IBTK: variants seen among roughly 807,000 people sequenced by gnomAD.
The protein encoded by IBTK is BTK-binding protein.
IBTK carries 83 observed loss-of-function variants against 154.9 expected under a neutral mutation model. The ratio of observed to expected loss-of-function variants is 0.54; its 90% CI spans 0.45 to 0.64. The LOEUF is 0.64. IBTK is among the 30% of genes least tolerant of loss of function. IBTK has a pLI of 0.00. For missense variants in IBTK, 1,332 were observed against 1,584.6 expected (o/e 0.84, Z 2.71); for synonymous variants, 515 against 536.1 (o/e 0.96, Z 0.54).
chr6:82,171,428 G>A lies in IBTK; in HGVS notation c.4059C>T (p.Cys1353=). ...LAVPMWNKHG[C] ...TGCATCTCAACTCCACAGTGAACTA[G>A]CATCCATGCTTATTCCACATAGGTA... Residue 1353 remains cysteine (C), a synonymous_variant, in exon 29 of 29, where the codon TGC becomes TGT. Coordinates refer to ENST00000306270, the MANE Select transcript of IBTK (RefSeq NM_015525.4). 1 of 1,611,090 alleles carries A rather than the reference G, an allele frequency of 6.2e-7. No individual in the cohort carries two copies. Among genetic ancestry groups the A allele is most frequent in the Non-Finnish European group, 8.5e-7 (1 of 1,178,954 alleles).
chr6:82,198,299 C>T (rs376049327), intron 21 of IBTK, among the ~76,000 whole-genome samples: 1 of 152,194 alleles, frequency 6.6e-6, no homozygotes, highest in South Asian at 2.1e-4. Flanking sequence ...TCCACCCCTG[C>T]CTCCTTCTAA....
At chr6:82,209,090 G>T (rs930265047) in intron 16 of IBTK, among the ~76,000 whole-genome samples, 1 of 152,176 alleles carries the variant, frequency 6.6e-6, no homozygotes, top group Admixed American at 6.6e-5. Context: ...ATTAGTAAGT[G>T]CTTGCAAGGA....
rs754851337 is a variant in IBTK, at chr6:82,240,432, A to G, written c.55T>C (p.Leu19=). Residue 19 remains leucine (L), a synonymous_variant, in exon 2 of 29, where the codon TTG becomes CTG. Coordinates refer to ENST00000306270, the MANE Select transcript of IBTK (RefSeq NM_015525.4). ...TTTGTTACCACAGAAAGGACATCCA[A>G]AGCATGCTTCAGGGATCGACACTTT... ...TSKCRSLKHA[L]DVLSVVTKGS... is the part of the protein sequence containing the mutation. 2 of 1,614,130 alleles carry G rather than the reference A, an allele frequency of 1.2e-6. No homozygotes were observed. Among genetic ancestry groups the G allele is most frequent in the Non-Finnish European group, 1.7e-6 (2 of 1,180,014 alleles).
intron 1 of IBTK, among the ~76,000 whole-genome samples, chr6:82,243,238 CAAA>C (rs200210329): frequency 9.9e-5 from 6 of 60,784 alleles, no homozygotes; most frequent in Non-Finnish European, 1.7e-4. Context: ...GACTCTGTCT[CAAA>C]AAAAAAAAAA....
Position 82,227,300 on chromosome 6 carries a change from C to G in IBTK, c.546G>C (p.Val182=). The G allele has an allele frequency of 6.4e-7, 1 of 1,570,996 alleles. No individual in the cohort carries two copies. The highest frequency in any genetic ancestry group is 8.7e-7 in the Non-Finnish European group (1 of 1,155,260). ...FSRSGIYIKQ[V]VLCKFHSVFL... ...ACACGGAGTGAAATTTACAAAGCAC[C>G]ACCTAAGGGAAAACAAGAGAATATT... Residue 182 remains valine, a splice_region_variant and synonymous_variant, in exon 5 of 29, where the codon GTG becomes GTC. Coordinates refer to ENST00000306270, the MANE Select transcript of IBTK (RefSeq NM_015525.4).
intron 2 of IBTK, among the ~76,000 whole-genome samples, chr6:82,235,665 T>C (rs1364208208): frequency 6.6e-6 from 1 of 152,224 alleles, no homozygotes; most frequent in African/African-American, 2.4e-5. Flanking sequence ...TAGTTTATAC[T>C]TACTCTATTT....
At position 82,227,322 on chromosome 6, in the gene IBTK, T is replaced by G; in HGVS notation, c.544-20A>C. ...CACCACCTAAGGGAAAACAAGAGAATATTATTAAACTTCTCTGAATAAAAT... is the reference window on the plus strand; with the variant it reads ...CACCACCTAAGGGAAAACAAGAGAAGATTATTAAACTTCTCTGAATAAAAT... On this transcript the variant is annotated intron_variant, in intron 4 of 28. Transcript: ENST00000306270. The G allele has an allele frequency of 2.1e-6, 3 of 1,397,446 alleles. No homozygotes were observed. The highest frequency in any genetic ancestry group is 2.0e-6 in the Non-Finnish European group (2 of 1,005,154). The allele number at this position is 1,397,446 out of a possible 1,614,324, so 86.6% of individuals were successfully genotyped here.
chr6:82,202,690 T>A, intron 17 of IBTK, 45 bp from the exon 18 acceptor site: 1 of 954,232 alleles, frequency 1.0e-6, no homozygotes, highest in Non-Finnish European at 1.6e-6. Context: ...AAAGGCACAT[T>A]ACCACAGCAA....
At chr6:82,223,649 C>CA in intron 7 of IBTK, 29 bp from the exon 8 acceptor site, 1 of 1,585,086 alleles carries the variant, frequency 6.3e-7, no homozygotes, top group Non-Finnish European at 8.6e-7. Flanking sequence ...AAGCAAATCA[C>CA]AAAATAGCTC....
rs1333788408 is a variant in IBTK at position 82,212,924 on chromosome 6, ACT to A, written c.2205-133_2205-132del. 9 of 591,730 alleles carry A rather than the reference ACT, an allele frequency of 1.5e-5. No homozygotes were observed. In the Admixed American group the frequency reaches 2.2e-4, roughly 14 times the overall value. The allele number at this position is 591,730 out of a possible 1,614,324, so 36.7% of individuals were successfully genotyped here. A position where few individuals can be genotyped will look rare whatever the true frequency, so the allele number is the denominator to read the frequency against. On this transcript the variant is annotated intron_variant, in intron 12 of 28. Transcript: ENST00000306270. ...TAGAAAAGTATCTCAACAAACTCCTACTCTGAGATAAAGAAATATCATACTTT... is the reference window on the plus strand; with the variant it reads ...TAGAAAAGTATCTCAACAAACTCCTACTGAGATAAAGAAATATCATACTTT...
rs764448117 is a variant in IBTK, at chr6:82,201,449, C to A, written c.2763G>T (p.Lys921Asn). The A allele has an allele frequency of 6.2e-7, 1 of 1,607,902 alleles. No homozygotes were observed. The highest frequency in any genetic ancestry group is 1.3e-5 in the African/African-American group (1 of 74,620). ...TTTTCCGGTAAAACTCAGAAAGATC[C>A]TTCAAAACACCATCGCTTAAAACAT... ...SLDVLSDGVL[K>N]DLSEFYRKMI... is the part of the protein sequence containing the mutation. The change falls in exon 19 of 29, where the codon AAG becomes AAT. Residue 921 changes from lysine to asparagine, a missense_variant. Lys to Asn is a moderately conservative substitution (Grantham distance 94, BLOSUM62 0). This residue lies in a region of IBTK where 1,134 missense variants were observed against 1,274.7 expected (regional missense o/e 0.89). Transcript: ENST00000306270.
intron 21 of IBTK, among the ~76,000 whole-genome samples, chr6:82,196,834 A>G (rs533675129): frequency 2.4e-4 from 37 of 152,320 alleles, no homozygotes; most frequent in South Asian, 1.7e-3. Flanking sequence ...CTCTTGGTAC[A>G]GTGGTCTCCG....
chr6:82,222,887 G>C (rs1361175340), intron 8 of IBTK, among the ~76,000 whole-genome samples: 1 of 144,850 alleles, frequency 6.9e-6, no homozygotes, highest in Non-Finnish European at 1.5e-5. Flanking sequence ...TACAGAGCAA[G>C]AACCTGTCTC....
At chr6:82,179,803 G>A (rs1768244137) in intron 26 of IBTK, among the ~76,000 whole-genome samples, 1 of 152,192 alleles carries the variant, frequency 6.6e-6, no homozygotes, top group Non-Finnish European at 1.5e-5. Context: ...CAGACCACAT[G>A]AGAGACCTGA....
intron 10 of IBTK, among the ~76,000 whole-genome samples, chr6:82,216,682 T>TC (rs1274994006): frequency 6.6e-6 from 1 of 152,104 alleles, no homozygotes; most frequent in African/African-American, 2.4e-5. Flanking sequence ...CCCTTTCTCT[T>TC]CCCCCTTTCT....
At position 82,223,465 on chromosome 6, in the gene IBTK, A is replaced by T; in HGVS notation, c.1099T>A (p.Tyr367Asn). 6.2e-7 allele frequency: 1 copy of T among 1,613,690 alleles called. No homozygotes were observed. Among genetic ancestry groups the T allele is most frequent in the Non-Finnish European group, 8.5e-7 (1 of 1,179,728 alleles). The change falls in exon 8 of 29, where the codon TAT (tyrosine) becomes AAT (asparagine). Residue 367 changes from tyrosine to asparagine, a missense_variant. Physicochemically the swap from Tyr to Asn is moderately radical, Grantham distance 143. Around this residue, in one of 3 missense-constraint regions of IBTK, gnomAD observed 1,134 missense variants for 1,274.7 expected, o/e 0.89. Transcript: ENST00000306270. Reference sequence around the variant, plus strand: ...TTAGAAGCCATCTTCTTGCACTGATAGTCTGCAAGTAAGTAAATATCTCCC... The same window carrying T: ...TTAGAAGCCATCTTCTTGCACTGATTGTCTGCAAGTAAGTAAATATCTCCC... ...TRGDIYLLAD[Y>N]QCKKMASKQL...
At chr6:82,173,334 T>A in intron 27 of IBTK, 33 bp downstream of exon 27, 1 of 1,493,186 alleles carries the variant, frequency 6.7e-7, no homozygotes, top group Non-Finnish European at 9.3e-7. Context: ...GCAACTTAGC[T>A]TTGGAGGCCC....
At chr6:82,198,206 T>TA (rs1334083359) in intron 21 of IBTK, among the ~76,000 whole-genome samples, 1 of 152,160 alleles carries the variant, frequency 6.6e-6, no homozygotes, top group Non-Finnish European at 1.5e-5. Context: ...ACAAACCAAA[T>TA]ATCTGCTTTT....
In IBTK at chr6:82,200,665, C is replaced by T. The variant is rs1291270290; in HGVS notation, c.2834G>A (p.Gly945Glu). The T allele has an allele frequency of 6.3e-7, 1 of 1,598,212 alleles. No homozygotes were observed. The highest frequency in any genetic ancestry group is 8.5e-7 in the Non-Finnish European group (1 of 1,173,870). ...DRRVITPYQD[G>E]PDISYLEVED... ...TACTTCCAAATAGCTAATATCTGGT[C>T]CATCTTGATATGGTGTAATGACTCT... Residue 945 changes from glycine (G) to glutamate (E), a missense_variant, in exon 20 of 29, where the codon GGA becomes GAA. Around this residue, in one of 3 missense-constraint regions of IBTK, gnomAD observed 1,134 missense variants for 1,274.7 expected, o/e 0.89. Coordinates refer to ENST00000306270, the MANE Select transcript of IBTK (RefSeq NM_015525.4).
Sources: gnomAD v4.1 joint callset for allele counts (sites outside exome capture counted in the v4.1 genomes callset) on GRCh38, gnomAD v4.1.1 for gene constraint, gnomAD v4.1.1 regional missense constraint, MANE v1.5 for transcripts, NCBI Gene and HGNC (gene_info 2026-07-23, HGNC 2026-07-21) for gene names.